VPS16: variants seen among roughly 807,000 people sequenced by gnomAD.
VPS16 encodes the protein vacuolar protein sorting-associated protein 16 homolog.
Under a neutral mutation model 116.0 loss-of-function variants are expected in VPS16, and 82 were observed. That is an observed-to-expected ratio of 0.71 (90% CI 0.59 to 0.85). The LOEUF (loss-of-function observed/expected upper bound fraction) is 0.85. Among genes scored for constraint, VPS16 ranks in the 40% least tolerant of loss-of-function variants. The pLI is 0.00. For synonymous variants in VPS16, 406 were observed against 420.7 expected, an observed-to-expected ratio of 0.96 and a Z score of 0.43; for missense variants, 928 against 1,090.6, an observed-to-expected ratio of 0.85 and a Z score of 2.10.
chr20:2,847,314 T>C (rs1342630695), intron 1 of VPS16, among the ~76,000 whole-genome samples: 1 of 152,132 alleles, frequency 6.6e-6, no homozygotes, highest in African/African-American at 2.4e-5. Context: ...TCCCAGCTCT[T>C]GCCACCTTCT....
Position 2,860,462 on chromosome 20 carries a change from A to G in VPS16, c.383A>G (p.Asn128Ser), listed in dbSNP as rs1374207624. Residue 128 changes from asparagine (N) to serine (S), a missense_variant, in exon 5 of 24, where the codon AAC becomes AGC. Transcript: ENST00000380445. This position sits in a 1 kb window ranked among gnomAD's most constrained non-coding sequence, Gnocchi z 6.1. ...HFSMGNEVLQ[N>S]RVLDARIFHT... ...CCCTTTCCTCAGGAAGTGCTCCAGA[A>G]CCGGGTTCTGGATGCCCGGATCTTT... 1 of 1,613,910 alleles carries G rather than the reference A, an allele frequency of 6.2e-7. No homozygotes were observed.
At chr20:2,852,256 A>G (rs1162165686) in intron 1 of VPS16, among the ~76,000 whole-genome samples, 1 of 152,148 alleles carries the variant, frequency 6.6e-6, no homozygotes, top group Admixed American at 6.6e-5. Flanking sequence ...CCCTGGAAGC[A>G]CAGGAGGGCC....
intron 1 of VPS16, among the ~76,000 whole-genome samples, chr20:2,858,014 T>C (rs1351438218): frequency 1.3e-5 from 2 of 152,200 alleles, no homozygotes. Context: ...TGAAAATTTC[T>C]TGGTATAGAA....
chr20:2,849,608 T>C (rs2089096988), intron 1 of VPS16, among the ~76,000 whole-genome samples: 1 of 147,684 alleles, frequency 6.8e-6, no homozygotes, highest in South Asian at 2.1e-4. Flanking sequence ...TGAAATAAGA[T>C]TTTTTTTGGG....
intron 1 of VPS16, among the ~76,000 whole-genome samples, chr20:2,845,708 C>T (rs1238082018): frequency 6.6e-6 from 1 of 152,070 alleles, no homozygotes; most frequent in Non-Finnish European, 1.5e-5. Context: ...GTTGTGCAAC[C>T]AGTCTCCAGG....
intron 1 of VPS16, among the ~76,000 whole-genome samples, chr20:2,850,211 C>G (rs2089104068): frequency 6.6e-6 from 1 of 152,100 alleles, no homozygotes; most frequent in Non-Finnish European, 1.5e-5. Context: ...TAATCCCCAG[C>G]TACTTGGGAG....
Position 2,862,095 on chromosome 20 carries a change from G to A in VPS16, c.1036G>A (p.Gly346Arg), listed in dbSNP as rs1431845367. Reference protein sequence around the residue: ...EIFKIASMAPGALLLEAQKEY... With the variant: ...EIFKIASMAPRALLLEAQKEY... ...CTTCAAAATTGCCTCAATGGCCCCC[G>A]GGGCGCTGCTCCTGGAGGCTCAGAA... Residue 346 changes from glycine to arginine, a missense_variant, in exon 11 of 24, where the codon GGG becomes AGG. Transcript: ENST00000380445. The A allele has an allele frequency of 2.5e-6, 4 of 1,613,724 alleles. No individual in the cohort carries two copies. The highest frequency in any genetic ancestry group is 1.1e-5 in the South Asian group (1 of 90,938).
Position 2,861,718 on chromosome 20 carries a change from G to A in VPS16, c.899+14G>A, listed in dbSNP as rs373821283. 1.9e-6 allele frequency: 3 copies of A among 1,612,438 alleles called. No individual in the cohort carries two copies. The highest frequency in any genetic ancestry group is 2.5e-6 in the Non-Finnish European group (3 of 1,179,518). On this transcript the variant is annotated intron_variant, in intron 9 of 23. Transcript: ENST00000380445. ...CGAGAGCATCCAGTATCCTTGGAGGGCTGCCTGTGTGTGGAGAGAGGGGAG... is the reference window on the plus strand; with the variant it reads ...CGAGAGCATCCAGTATCCTTGGAGGACTGCCTGTGTGTGGAGAGAGGGGAG...
In VPS16 at chr20:2,863,893, G is replaced by A. The variant is rs535943674; in HGVS notation, c.1477-56G>A. ...AGGGGTGGGTCCTAAGGGCTTGCAG[G>A]AGTGGAGAGTGAGGAATGGCATCCA... On this transcript the variant is annotated intron_variant, in intron 15 of 23. Coordinates refer to ENST00000380445, the MANE Select transcript of VPS16 (RefSeq NM_022575.4). This position sits in a 1 kb window ranked among gnomAD's most constrained non-coding sequence, Gnocchi z 4.4. 4 of 1,594,124 alleles carry A rather than the reference G, an allele frequency of 2.5e-6. No homozygotes were observed. The East Asian group carries it at 9.0e-5, about 36-fold the overall frequency.
At position 2,864,119 on chromosome 20, in the gene VPS16, T is replaced by A; in HGVS notation, c.1611+36T>A. 1 of 1,613,576 alleles carries A rather than the reference T, an allele frequency of 6.2e-7. No individual in the cohort carries two copies. The highest frequency in any genetic ancestry group is 8.5e-7 in the Non-Finnish European group (1 of 1,179,564). ...CCAGCCCTCCACAGACACTCTGATG[T>A]GGTTGTTCAGGGCCCCCATGCCAGC... On this transcript the variant is annotated intron_variant, in intron 16 of 23. Coordinates refer to ENST00000380445, the MANE Select transcript of VPS16 (RefSeq NM_022575.4). The surrounding 1 kb of genome is among the most constrained non-coding windows in gnomAD (Gnocchi z 5.2).
Position 2,864,124 on chromosome 20 carries a change from G to A in VPS16, c.1611+41G>A. ...CCTCCACAGACACTCTGATGTGGTTGTTCAGGGCCCCCATGCCAGCTCCTT... is the reference window on the plus strand; with the variant it reads ...CCTCCACAGACACTCTGATGTGGTTATTCAGGGCCCCCATGCCAGCTCCTT... On this transcript the variant is annotated intron_variant, in intron 16 of 23. Transcript: ENST00000380445. The surrounding 1 kb of genome is among the most constrained non-coding windows in gnomAD (Gnocchi z 5.2). 3 of 1,613,806 alleles carry A rather than the reference G, an allele frequency of 1.9e-6. No homozygotes were observed. The highest frequency in any genetic ancestry group is 2.5e-6 in the Non-Finnish European group (3 of 1,179,674).
Position 2,864,358 on chromosome 20 carries a change from C to T in VPS16, c.1721-7C>T, listed in dbSNP as rs376644019. On this transcript the variant is annotated splice_polypyrimidine_tract_variant and splice_region_variant and intron_variant, in intron 17 of 23. Coordinates refer to ENST00000380445, the MANE Select transcript of VPS16 (RefSeq NM_022575.4). The surrounding 1 kb of genome is among the most constrained non-coding windows in gnomAD (Gnocchi z 5.2). ...TGGAATTCCCACTCCACCTTACTCTCCTGCAGTGTTCACGGTGTTGCTGCA... is the reference window on the plus strand; with the variant it reads ...TGGAATTCCCACTCCACCTTACTCTTCTGCAGTGTTCACGGTGTTGCTGCA... The T allele has an allele frequency of 5.0e-5, 81 of 1,614,060 alleles. No individual in the cohort carries two copies. In the African/African-American group the frequency reaches 1.0e-3, roughly 20 times the overall value.
chr20:2,845,966 A>G (rs2089055086), intron 1 of VPS16, among the ~76,000 whole-genome samples: 1 of 152,180 alleles, frequency 6.6e-6, no homozygotes, highest in South Asian at 2.1e-4. Context: ...AGGCTGAATA[A>G]TATGCCATTG....
chr20:2,857,330 A>C (rs1179391458), intron 1 of VPS16, among the ~76,000 whole-genome samples: 1 of 152,118 alleles, frequency 6.6e-6, no homozygotes, highest in Non-Finnish European at 1.5e-5. Flanking sequence ...TGGCCAGATA[A>C]TTGGCAGAAG....
chr20:2,850,371 G>A (rs1012479211), intron 1 of VPS16, among the ~76,000 whole-genome samples: 29 of 152,190 alleles, frequency 1.9e-4, no homozygotes, highest in African/African-American at 6.3e-4. Flanking sequence ...GCTCATGCCT[G>A]TAATCCCAGC....
chr20:2,842,816 CTATA>C lies in VPS16; in HGVS notation c.53+1990_53+1993del, dbSNP rs368708367. Among the ~76,000 whole-genome samples the C allele has an allele frequency of 5.3e-4, 55 of 103,008 alleles. 2 individuals are homozygous for C. Among genetic ancestry groups the C allele is most frequent in the South Asian group, 2.3e-3 (6 of 2,650 alleles). The allele number at this position is 103,008 out of a possible 152,430, so 67.6% of individuals were successfully genotyped here. On this transcript the variant is annotated intron_variant, in intron 1 of 23. Transcript: ENST00000380445. Reference sequence around the variant, plus strand: ...TAGATAGACATATAGATGTATCTATCTATAGATAGACATATAGATGTATCTATCG... The same window carrying C: ...TAGATAGACATATAGATGTATCTATCGATAGACATATAGATGTATCTATCG...
intron 1 of VPS16, among the ~76,000 whole-genome samples, chr20:2,854,456 A>AC (rs1458553171): frequency 6.6e-6 from 1 of 151,948 alleles, no homozygotes; most frequent in African/African-American, 2.4e-5. Flanking sequence ...ACAAAACAAA[A>AC]AAAACGAGAG....
chr20:2,842,829 T>TGTATCTATCGATAG (rs1568620960), intron 1 of VPS16, among the ~76,000 whole-genome samples: 1 of 3,398 alleles, frequency 2.9e-4, no homozygotes, highest in African/African-American at 2.8e-3. Context: ...TAGATAGACA[T>TGTATCTATCGATAG]ATAGATGTAT....
chr20:2,850,027 A>G (rs941079411), intron 1 of VPS16, among the ~76,000 whole-genome samples: 5 of 152,348 alleles, frequency 3.3e-5, no homozygotes, highest in African/African-American at 1.2e-4. Flanking sequence ...AAAGTTTAAT[A>G]TAAAGAATTA....
Sources: gnomAD v4.1 joint callset for allele counts (sites outside exome capture counted in the v4.1 genomes callset) on GRCh38, gnomAD v4.1.1 for gene constraint, Gnocchi (gnomAD v3.1) non-coding constraint, MANE v1.5 for transcripts, NCBI Gene and HGNC (gene_info 2026-07-23, HGNC 2026-07-21) for gene names.